Variants in RAB3D observed in about 807,000 individuals in gnomAD.
RAB3D encodes the protein RAB3D, member RAS oncogene family.
In RAB3D, 17 loss-of-function variants were observed where a neutral mutation model predicts 19.3. That is an observed-to-expected ratio of 0.88 (90% CI 0.60 to 1.32). RAB3D has a LOEUF of 1.32. Among genes scored for constraint, RAB3D ranks in the 40% most tolerant of loss-of-function variants. The pLI is 0.00. For missense variants in RAB3D, 223 were observed against 299.1 expected, an observed-to-expected ratio of 0.75 and a Z score of 1.88; for synonymous variants, 103 against 119.9, an observed-to-expected ratio of 0.86 and a Z score of 0.92.
At position 11,335,783 on chromosome 19, in the gene RAB3D, C is replaced by T; in HGVS notation, c.229G>A (p.Asp77Asn). The change falls in exon 3 of 5, where the codon GAC (aspartate) becomes AAC (asparagine). Residue 77 changes from aspartate (D) to asparagine (N), a missense_variant and splice_region_variant. Transcript: ENST00000222120. ...HDKRIKLQIW[D>N]TAGQERYRTI... The stretch of plus-strand genomic sequence containing the variant: ...CGGTAGCGCTCCTGGCCCGCTGTGT[C>T]CTGGACAAATGGCAGTGGCAGTTGG... 6.2e-7 allele frequency: 1 copy of T among 1,614,006 alleles called. No homozygotes were observed. Among genetic ancestry groups the T allele is most frequent in the East Asian group, 2.2e-5 (1 of 44,876 alleles).
At chr19:11,334,018 A>G (rs2080843833) in intron 4 of RAB3D, among the ~76,000 whole-genome samples, 1 of 152,102 alleles carries the variant, frequency 6.6e-6, no homozygotes, top group African/African-American at 2.4e-5. Context: ...TTATTGGCAA[A>G]CAGTCACACC....
At chr19:11,334,469 A>G (rs1431422246) in intron 4 of RAB3D, among the ~76,000 whole-genome samples, 1 of 152,010 alleles carries the variant, frequency 6.6e-6, no homozygotes, top group Non-Finnish European at 1.5e-5. Flanking sequence ...ACTCCATCTC[A>G]AACAAAAACA....
intron 4 of RAB3D, chr19:11,326,740 G>C (rs1325692938): frequency 1.4e-6 from 1 of 692,816 alleles, no homozygotes; most frequent in Admixed American, 2.0e-5. Context: ...AGTAGCTGGG[G>C]CTACAGGTGT....
chr19:11,328,287 T>C (rs1311536022), intron 4 of RAB3D, among the ~76,000 whole-genome samples: 1 of 143,290 alleles, frequency 7.0e-6, no homozygotes, highest in African/African-American at 2.8e-5. Flanking sequence ...TGAGCCGAGA[T>C]TGTGCCATTG....
chr19:11,336,723 C>A (rs747454254), intron 2 of RAB3D, among the ~76,000 whole-genome samples: 1 of 151,750 alleles, frequency 6.6e-6, no homozygotes, highest in East Asian at 2.0e-4. Context: ...GTAATCCCAG[C>A]GCTTTGGGAG....
rs566839088 is a variant in RAB3D at position 11,325,700 on chromosome 19, A to G, written c.473-115T>C. The G allele has an allele frequency of 6.0e-6, 6 of 1,005,002 alleles. No homozygotes were observed. In the African/African-American group the frequency reaches 8.1e-5, roughly 13 times the overall value. The allele number at this position is 1,005,002 out of a possible 1,614,324, so 62.3% of individuals were successfully genotyped here. ...GTTCTGCTCTTTATCCTGCTGTGGG[A>G]CCTTGGTTGTGTGCCTTTGCCACTC... is the stretch of plus-strand genomic sequence containing the variant. On this transcript the variant is annotated intron_variant, in intron 4 of 4. Transcript: ENST00000222120.
At chr19:11,335,300 A>G in intron 4 of RAB3D, 147 bp downstream of exon 4, 1 of 1,197,352 alleles carries the variant, frequency 8.4e-7, no homozygotes, top group East Asian at 2.4e-5. Context: ...ATCCCCTGCA[A>G]TTAGACGGGA....
chr19:11,328,363 TG>T (rs1293356923), intron 4 of RAB3D, among the ~76,000 whole-genome samples: 3 of 129,260 alleles, frequency 2.3e-5, no homozygotes, highest in Admixed American at 1.6e-4. Context: ...AGAAGAAGGT[TG>T]GGGGGTGCCA....
chr19:11,333,249 T>C (rs969901098), intron 4 of RAB3D, among the ~76,000 whole-genome samples: 2 of 151,738 alleles, frequency 1.3e-5, no homozygotes, highest in African/African-American at 4.8e-5. Flanking sequence ...CTGGCTAATT[T>C]TTTTGTATTT....
At chr19:11,332,726 C>T (rs948293591) in intron 4 of RAB3D, among the ~76,000 whole-genome samples, 1 of 152,114 alleles carries the variant, frequency 6.6e-6, no homozygotes, top group African/African-American at 2.4e-5. Flanking sequence ...AGCAATCCTC[C>T]TAATTCAGTC....
At chr19:11,335,286 G>C (rs376476311) in intron 4 of RAB3D, among the ~76,000 whole-genome samples, 161 bp downstream of exon 4, 1 of 152,306 alleles carries the variant, frequency 6.6e-6, no homozygotes. Context: ...GTTCCTGCGC[G>C]TGGATCCCCT....
intron 2 of RAB3D, among the ~76,000 whole-genome samples, chr19:11,336,648 C>T (rs1043458444): frequency 1.3e-5 from 2 of 151,862 alleles, no homozygotes; most frequent in Non-Finnish European, 1.5e-5. Flanking sequence ...GTATCATCTC[C>T]GCAATCAGAC....
Position 11,333,834 on chromosome 19 carries a change from C to T in RAB3D, c.472+1613G>A, listed in dbSNP as rs145670889. 3.4e-3 allele frequency among the ~76,000 whole-genome samples: 520 copies of T among 152,164 alleles called. 8 individuals carry two copies. Among genetic ancestry groups the T allele is most frequent in the African/African-American group, 0.012 (507 of 41,538 alleles). ...TCAGCCTCCCAAGTAGCTGGGATTA[C>T]AGGCGTCTGTCACCATGCCCGGCTA... On this transcript the variant is annotated intron_variant, in intron 4 of 4. Coordinates refer to ENST00000222120, the MANE Select transcript of RAB3D (RefSeq NM_004283.4).
At chr19:11,329,594 C>T (rs1316920761) in intron 4 of RAB3D, among the ~76,000 whole-genome samples, 1 of 147,912 alleles carries the variant, frequency 6.8e-6, no homozygotes. Flanking sequence ...GCAACAAGAG[C>T]GAAACTCCAT....
chr19:11,325,145 C>T lies in RAB3D; in HGVS notation c.*253G>A. 2.4e-6 allele frequency: 1 copy of T among 419,944 alleles called. No individual in the cohort carries two copies. 26.0% of individuals were successfully genotyped at this position (419,944 alleles called of 1,614,324 possible). A position where few individuals can be genotyped will look rare whatever the true frequency, so the allele number is the denominator to read the frequency against. On this transcript the variant is annotated 3_prime_UTR_variant, in exon 5 of 5. Transcript: ENST00000222120. Reference sequence around the variant, plus strand: ...CACCCTGGAAAGCAGCAAGCTCATGCACGTCAGTGTCCCTGGGCCTCTGCC... The same window carrying T: ...CACCCTGGAAAGCAGCAAGCTCATGTACGTCAGTGTCCCTGGGCCTCTGCC...
intron 1 of RAB3D, among the ~76,000 whole-genome samples, chr19:11,338,331 C>T (rs1462105815): frequency 6.6e-6 from 1 of 152,216 alleles, no homozygotes; most frequent in African/African-American, 2.4e-5. Context: ...GGAGAAGGCA[C>T]AGGTGTGGAC....
chr19:11,326,936 G>A, intron 4 of RAB3D: 1 of 514,054 alleles, frequency 1.9e-6, no homozygotes, highest in Middle Eastern at 5.1e-4. Flanking sequence ...GGTTCCTGAG[G>A]GTCTGCCTGA....
In RAB3D at chr19:11,338,721, CTTAA is replaced by C. The variant is rs1467164824; in HGVS notation, c.-62+744_-62+747del. On this transcript the variant is annotated intron_variant, in intron 1 of 4. Coordinates refer to ENST00000222120, the MANE Select transcript of RAB3D (RefSeq NM_004283.4). ...ATACCCAAGGAAACGATCCCAGCCACTTAATTAACACAACCCCACCACCACGACC... is the reference window on the plus strand; with the variant it reads ...ATACCCAAGGAAACGATCCCAGCCACTTAACACAACCCCACCACCACGACC... Among the ~76,000 whole-genome samples, 4 of 152,146 alleles carry C rather than the reference CTTAA, an allele frequency of 2.6e-5. No homozygotes were observed. In the East Asian group the frequency reaches 5.8e-4, roughly 22 times the overall value.
At chr19:11,326,992 C>T (rs907502963) in intron 4 of RAB3D, 1 of 476,262 alleles carries the variant, frequency 2.1e-6, no homozygotes, top group Non-Finnish European at 3.7e-6. Flanking sequence ...TGCCACATCA[C>T]CAAGGTAAGC....
Sources: gnomAD v4.1 joint callset for allele counts (sites outside exome capture counted in the v4.1 genomes callset) on GRCh38, gnomAD v4.1.1 for gene constraint, MANE v1.5 for transcripts, NCBI Gene and HGNC (gene_info 2026-07-23, HGNC 2026-07-21) for gene names.